The following MTUS2 variants were observed in gnomAD, a reference collection of about 807,000 sequenced individuals.
The protein encoded by MTUS2 is microtubule associated scaffold protein 2, also known as microtubule-associated tumor suppressor candidate 2.
Under a neutral mutation model 114.1 loss-of-function variants are expected in MTUS2, and 40 were observed. That is an observed-to-expected ratio of 0.35 (90% CI 0.27 to 0.46). The LOEUF (loss-of-function observed/expected upper bound fraction) is 0.46, where lower values mean the gene tolerates loss of function less well. Ranked by LOEUF, MTUS2 falls within the 20% of genes least tolerant of loss-of-function variation. The probability of loss-of-function intolerance (pLI) is 1.00; values close to 1 mark genes in which losing one functional copy is unlikely to be tolerated. For synonymous variants in MTUS2, 688 were observed against 672.0 expected (o/e 1.02, Z -0.37); for missense variants, 1,679 against 1,705.4 (o/e 0.98, Z 0.27).
At chr13:29,232,012 A>G (rs928767878) in intron 5 of MTUS2, among the ~76,000 whole-genome samples, 8 of 152,236 alleles carry the variant, frequency 5.3e-5, no homozygotes, top group Non-Finnish European at 8.8e-5. Context: ...ATAAAAGCAC[A>G]GTTTGACAAC....
At chr13:29,102,526 CA>C (rs939663222) in intron 5 of MTUS2, among the ~76,000 whole-genome samples, 1 of 152,098 alleles carries the variant, frequency 6.6e-6, no homozygotes, top group Non-Finnish European at 1.5e-5. Flanking sequence ...CCTGAGCACC[CA>C]GGGGATAAGA....
intron 4 of MTUS2, 100 bp from the exon 5 acceptor site, chr13:29,100,673 C>G: frequency 1.5e-6 from 2 of 1,323,918 alleles, no homozygotes. Context: ...TAATTTTAGT[C>G]TGTTTATGAT....
At chr13:28,827,627 C>G (rs1421162386) in intron 1 of MTUS2, among the ~76,000 whole-genome samples, 1 of 152,120 alleles carries the variant, frequency 6.6e-6, no homozygotes, top group Non-Finnish European at 1.5e-5. Context: ...GACGTGGGTC[C>G]TTTTCTATTT....
chr13:29,050,521 C>G (rs1887843481), intron 4 of MTUS2, among the ~76,000 whole-genome samples: 1 of 152,160 alleles, frequency 6.6e-6, no homozygotes, highest in African/African-American at 2.4e-5. Flanking sequence ...CTCCCTGATT[C>G]TCAAATATGC....
intron 5 of MTUS2, among the ~76,000 whole-genome samples, chr13:29,249,030 C>T (rs557762039): frequency 1.3e-3 from 194 of 152,324 alleles, no homozygotes; most frequent in Non-Finnish European, 2.4e-3. Context: ...CTCTGTCACC[C>T]AGGCTGGAGT....
intron 8 of MTUS2, 84 bp downstream of exon 8, chr13:29,359,557 T>A (rs770659856): frequency 6.9e-7 from 1 of 1,455,794 alleles, no homozygotes; most frequent in Non-Finnish European, 9.3e-7. Context: ...TGTATGTTGC[T>A]GTTTTGGGTT....
intron 7 of MTUS2, among the ~76,000 whole-genome samples, chr13:29,350,656 A>G (rs1386727659): frequency 1.3e-5 from 2 of 151,978 alleles, no homozygotes; most frequent in African/African-American, 4.8e-5. Flanking sequence ...TTGGGCTGCT[A>G]TAACAAATAC....
chr13:28,970,894 C>T (rs868757015), intron 2 of MTUS2, among the ~76,000 whole-genome samples: 16 of 152,160 alleles, frequency 1.1e-4, no homozygotes, highest in African/African-American at 3.4e-4. Flanking sequence ...TAGGGTCCAC[C>T]GTGCTCATGC....
Position 29,359,187 on chromosome 13 carries a change from T to C in MTUS2, c.2906-75T>C, listed in dbSNP as rs992810675. On this transcript the variant is annotated intron_variant, in intron 7 of 15. Transcript: ENST00000612955. ...TCTACCACTTGAAGAACTCCTTGTG[T>C]AATAAGAAGCCGTTGTCACATGTGT... The C allele has an allele frequency of 3.0e-5, 40 of 1,346,608 alleles. No individual in the cohort carries two copies. In the Admixed American group the frequency reaches 8.9e-4, roughly 30 times the overall value. 83.4% of individuals were successfully genotyped at this position (1,346,608 alleles called of 1,614,324 possible).
intron 7 of MTUS2, among the ~76,000 whole-genome samples, chr13:29,330,278 A>G (rs1900716502): frequency 1.3e-5 from 2 of 151,896 alleles, no homozygotes; most frequent in Admixed American, 1.3e-4. Context: ...CCACTTTTTG[A>G]TGGGGTTGTT....
chr13:29,337,955 A>ATTTTTT (rs34068964), intron 7 of MTUS2, among the ~76,000 whole-genome samples: 25,336 of 143,092 alleles, frequency 0.18, 2,361 homozygotes, highest in Non-Finnish European at 0.21. Flanking sequence ...TGCCCTGCTA[A>ATTTTTT]TTTTTTTTTT....
intron 5 of MTUS2, among the ~76,000 whole-genome samples, chr13:29,250,992 G>T (rs1566091197): frequency 1.3e-5 from 2 of 152,110 alleles, no homozygotes; most frequent in Non-Finnish European, 2.9e-5. Flanking sequence ...AGGGTTTGTG[G>T]TTTATCAGAC....
intron 5 of MTUS2, among the ~76,000 whole-genome samples, chr13:29,125,476 G>A: frequency 6.6e-6 from 1 of 152,166 alleles, no homozygotes; most frequent in East Asian, 1.9e-4. Context: ...AATGAAAGAA[G>A]AAACGTTGAA....
chr13:29,196,220 C>T (rs994527345), intron 5 of MTUS2, among the ~76,000 whole-genome samples: 10 of 151,840 alleles, frequency 6.6e-5, no homozygotes, highest in African/African-American at 2.4e-4. Flanking sequence ...CCTCAGCCTC[C>T]CGAGTAGCTG....
At chr13:28,871,801 AT>A (rs1261872626) in intron 2 of MTUS2, among the ~76,000 whole-genome samples, 1 of 152,208 alleles carries the variant, frequency 6.6e-6, no homozygotes, top group Non-Finnish European at 1.5e-5. Context: ...TAGAGTTGAC[AT>A]TTGATCAGAG....
At chr13:29,059,005 T>G (rs1395872365) in intron 4 of MTUS2, among the ~76,000 whole-genome samples, 2 of 152,144 alleles carry the variant, frequency 1.3e-5, no homozygotes, top group Non-Finnish European at 1.5e-5. Flanking sequence ...GGTTTCAGCT[T>G]TTTCCCAAAT....
chr13:28,895,786 T>A (rs75200054), intron 2 of MTUS2, among the ~76,000 whole-genome samples: 1 of 152,186 alleles, frequency 6.6e-6, no homozygotes, highest in African/African-American at 2.4e-5. Flanking sequence ...TAAATGTAAA[T>A]GAATTAACGT....
intron 2 of MTUS2, among the ~76,000 whole-genome samples, chr13:28,949,567 CT>C (rs1197390251): frequency 6.6e-6 from 1 of 152,116 alleles, no homozygotes; most frequent in Admixed American, 6.6e-5. Context: ...ATCTAGAACT[CT>C]TTTTTTCACC....
intron 5 of MTUS2, among the ~76,000 whole-genome samples, chr13:29,136,085 A>G (rs1242566761): frequency 6.6e-6 from 1 of 152,198 alleles, no homozygotes; most frequent in Non-Finnish European, 1.5e-5. Context: ...ATAATTGCCC[A>G]TGTTACTACC....
Sources: allele counts gnomAD v4.1 joint callset (sites outside exome capture counted in the v4.1 genomes callset), GRCh38; gene constraint gnomAD v4.1.1; transcripts MANE v1.5; gene names NCBI Gene and HGNC (gene_info 2026-07-23, HGNC 2026-07-21).